The following KIF13A variants were observed in gnomAD, a reference collection of about 807,000 sequenced individuals.
The protein encoded by KIF13A is kinesin family member 13A.
A neutral mutation model predicts 212.2 loss-of-function variants in KIF13A; 79 were observed. That is an observed-to-expected ratio of 0.37 (90% CI 0.31 to 0.45). The LOEUF is 0.45. KIF13A is among the 20% of genes least tolerant of loss of function. The pLI is 1.00. For missense variants in KIF13A, 1,901 were observed against 2,209.0 expected (o/e 0.86, Z 2.79); for synonymous variants, 789 against 808.6 (o/e 0.98, Z 0.41).
chr6:17,960,382 A>C (rs974242034), intron 2 of KIF13A, among the ~76,000 whole-genome samples: 2 of 152,240 alleles, frequency 1.3e-5, no homozygotes, highest in Non-Finnish European at 2.9e-5. Context: ...CAAATGAATT[A>C]TAACTAAAAA....
intron 2 of KIF13A, among the ~76,000 whole-genome samples, chr6:17,977,877 G>A (rs1159751897): frequency 6.6e-6 from 1 of 152,102 alleles, no homozygotes; most frequent in Non-Finnish European, 1.5e-5. Context: ...AAGCTTGGTA[G>A]GACAATGATT....
chr6:17,790,939 CA>C (rs1761481896), intron 25 of KIF13A, among the ~76,000 whole-genome samples: 1 of 151,970 alleles, frequency 6.6e-6, no homozygotes, highest in Non-Finnish European at 1.5e-5. Flanking sequence ...ACAATTTTTG[CA>C]AAAACATTTG....
At chr6:17,778,437 T>C (rs1246049602) in intron 33 of KIF13A, among the ~76,000 whole-genome samples, 1 of 152,060 alleles carries the variant, frequency 6.6e-6, no homozygotes, top group African/African-American at 2.4e-5. Flanking sequence ...ACATATCTTA[T>C]CTTATAGTTG....
At chr6:17,913,881 C>T (rs1271151842) in intron 2 of KIF13A, among the ~76,000 whole-genome samples, 4 of 152,272 alleles carry the variant, frequency 2.6e-5, no homozygotes, top group South Asian at 4.1e-4. Flanking sequence ...TCTGGAAACA[C>T]CACCCAGCCC....
At chr6:17,983,223 T>C (rs1390667218) in intron 2 of KIF13A, among the ~76,000 whole-genome samples, 3 of 150,374 alleles carry the variant, frequency 2.0e-5, no homozygotes, top group Non-Finnish European at 4.4e-5. Context: ...AAAAAATATA[T>C]AAATACTTAT....
intron 3 of KIF13A, among the ~76,000 whole-genome samples, chr6:17,896,718 A>T (rs1338730980): frequency 6.6e-6 from 1 of 152,236 alleles, no homozygotes; most frequent in African/African-American, 2.4e-5. Flanking sequence ...GAAAGTGACA[A>T]GAACATTCCT....
intron 2 of KIF13A, among the ~76,000 whole-genome samples, chr6:17,966,286 TTTTTA>T (rs987930534): frequency 7.2e-5 from 11 of 152,302 alleles, no homozygotes; most frequent in African/African-American, 2.2e-4. Flanking sequence ...TGTGTGCTAT[TTTTTA>T]TTTTATTTTT....
At chr6:17,882,841 C>T (rs988666188) in intron 3 of KIF13A, among the ~76,000 whole-genome samples, 5 of 152,158 alleles carry the variant, frequency 3.3e-5, no homozygotes, top group South Asian at 4.1e-4. Context: ...GGATTAAAGG[C>T]GTGCGGCACG....
rs1194692033 is a variant in KIF13A, at chr6:17,794,617, A to G, written c.3030T>C (p.His1010=). Residue 1010 remains histidine (H), a synonymous_variant, in exon 24 of 39, where the codon CAT becomes CAC. Coordinates refer to ENST00000259711, the MANE Select transcript of KIF13A (RefSeq NM_022113.6). This position sits in a 1 kb window ranked among gnomAD's most constrained non-coding sequence, Gnocchi z 4.1. ...ELGEYAAVEL[H]QAKDVNTGGI... is the part of the protein sequence containing the mutation. ...CTCCTGTGTTGACATCTTTTGCCTG[A>G]TGAAGTTCCACTGCAGCATACTCTC... 4 of 1,613,560 alleles carry G rather than the reference A, an allele frequency of 2.5e-6. No individual in the cohort carries two copies. In the Admixed American group the frequency reaches 6.7e-5, roughly 27 times the overall value.
At chr6:17,781,000 C>A (rs1760518120) in intron 30 of KIF13A, 94 bp from the exon 31 acceptor site, 2 of 1,364,270 alleles carry the variant, frequency 1.5e-6, no homozygotes, top group Non-Finnish European at 2.0e-6. Context: ...ATAAATTCAA[C>A]TCACTGTAAT....
intron 2 of KIF13A, among the ~76,000 whole-genome samples, chr6:17,969,927 C>CT (rs144578023): frequency 1.7e-3 from 251 of 145,260 alleles, no homozygotes; most frequent in South Asian, 5.4e-3. Flanking sequence ...CTTGTGTTTT[C>CT]TTTTTTTTTT....
rs191077253 is a variant in KIF13A at position 17,982,444 on chromosome 6, C to T, written c.146+4610G>A. ...GATTTCAGATGTTCAGACAGGGATA[C>T]CGCTGGTGAATAAACTAAAAAATAC... On this transcript the variant is annotated intron_variant, in intron 2 of 38. Coordinates refer to ENST00000259711, the MANE Select transcript of KIF13A (RefSeq NM_022113.6). This position sits in a 1 kb window ranked among gnomAD's most constrained non-coding sequence, Gnocchi z 5.1. 89 of 984,564 alleles carry T rather than the reference C, an allele frequency of 9.0e-5. No individual in the cohort carries two copies. Among genetic ancestry groups the T allele is most frequent in the Admixed American group, 6.2e-4 (10 of 16,256 alleles). 61.0% of individuals were successfully genotyped at this position (984,564 alleles called of 1,614,324 possible).
In KIF13A at chr6:17,987,467, GGCTGCGCTCGCCCGGCCGCTC is replaced by G. The variant is rs745874698; in HGVS notation, c.-25_-5del. ...CTTTTACCTTGGTATCCGACATGTTGGCTGCGCTCGCCCGGCCGCTCGCCGCGCCCGCTCGGCCTTAGGCGG... is the reference window on the plus strand; with the variant it reads ...CTTTTACCTTGGTATCCGACATGTTGGCCGCGCCCGCTCGGCCTTAGGCGG... On this transcript the variant is annotated 5_prime_UTR_variant, in exon 1 of 39. Transcript: ENST00000259711. The surrounding 1 kb of genome is among the most constrained non-coding windows in gnomAD (Gnocchi z 7.7). 7.7e-7 allele frequency: 1 copy of G among 1,299,938 alleles called. No homozygotes were observed. Among genetic ancestry groups the G allele is most frequent in the Non-Finnish European group, 1.0e-6 (1 of 991,400 alleles). 80.5% of individuals were successfully genotyped at this position (1,299,938 alleles called of 1,614,324 possible).
intron 9 of KIF13A, among the ~76,000 whole-genome samples, chr6:17,846,402 T>A (rs1767062756): frequency 6.6e-6 from 1 of 152,030 alleles, no homozygotes; most frequent in Admixed American, 6.6e-5. Context: ...TATAAAGAAC[T>A]CTTAAAAAGG....
rs942106434 is a variant in KIF13A, at chr6:17,855,625, A to G, written c.314-8T>C. 2 of 1,595,040 alleles carry G rather than the reference A, an allele frequency of 1.3e-6. No individual in the cohort carries two copies. Among genetic ancestry groups the G allele is most frequent in the Non-Finnish European group, 1.7e-6 (2 of 1,173,592 alleles). ...AAAAGGATTTTCCCGAACCTGGAGAACAGCAAGGAAAAAGAAGAACAGGTA... is the reference window on the plus strand; with the variant it reads ...AAAAGGATTTTCCCGAACCTGGAGAGCAGCAAGGAAAAAGAAGAACAGGTA... On this transcript the variant is annotated splice_region_variant and splice_polypyrimidine_tract_variant and intron_variant, in intron 5 of 38. Transcript: ENST00000259711. This position sits in a 1 kb window ranked among gnomAD's most constrained non-coding sequence, Gnocchi z 4.1.
At chr6:17,974,045 C>T (rs1001333618) in intron 2 of KIF13A, among the ~76,000 whole-genome samples, 24 of 152,252 alleles carry the variant, frequency 1.6e-4, no homozygotes, top group African/African-American at 5.8e-4. Context: ...TAATTAAATA[C>T]ATCTGTTTAG....
chr6:17,969,986 G>A lies in KIF13A; in HGVS notation c.146+17068C>T, dbSNP rs368174060. 5.7e-4 allele frequency among the ~76,000 whole-genome samples: 87 copies of A among 151,384 alleles called. 2 individuals are homozygous for A. In the South Asian group the frequency reaches 0.013, roughly 22 times the overall value. On this transcript the variant is annotated intron_variant, in intron 2 of 38. Coordinates refer to ENST00000259711, the MANE Select transcript of KIF13A (RefSeq NM_022113.6). Reference sequence around the variant, plus strand: ...CACCCAGGCCGGAGTGCAGTGGCGCGATCTCGGCTCACTGAAAGCTCTGCC... The same window carrying A: ...CACCCAGGCCGGAGTGCAGTGGCGCAATCTCGGCTCACTGAAAGCTCTGCC...
intron 32 of KIF13A, among the ~76,000 whole-genome samples, 158 bp from the exon 33 acceptor site, chr6:17,779,257 ATTTTTTTTTT>A (rs3076205): frequency 4.8e-4 from 18 of 37,772 alleles, no homozygotes; most frequent in East Asian, 3.7e-3. Context: ...ATATATATAT[ATTTTTTTTTT>A]TTTTTTTTTT....
Position 17,825,987 on chromosome 6 carries a change from A to G in KIF13A, c.1619+51T>C. 3 of 1,610,622 alleles carry G rather than the reference A, an allele frequency of 1.9e-6. No individual in the cohort carries two copies. Among genetic ancestry groups the G allele is most frequent in the Admixed American group, 1.7e-5 (1 of 59,866 alleles). On this transcript the variant is annotated intron_variant, in intron 15 of 38. Coordinates refer to ENST00000259711, the MANE Select transcript of KIF13A (RefSeq NM_022113.6). The surrounding 1 kb of genome is among the most constrained non-coding windows in gnomAD (Gnocchi z 4.5). ...ATCAACTTGTTTTACACTTAAATAG[A>G]TAACAGAAAAAATGTATACGAAAAT...
Sources: allele counts gnomAD v4.1 joint callset (sites outside exome capture counted in the v4.1 genomes callset), GRCh38; gene constraint gnomAD v4.1.1; non-coding constraint Gnocchi (gnomAD v3.1); transcripts MANE v1.5; gene names NCBI Gene and HGNC (gene_info 2026-07-23, HGNC 2026-07-21).